SAMHD1: variants seen among roughly 807,000 people sequenced by gnomAD.
SAMHD1 encodes SAM and HD domain containing deoxynucleoside triphosphate triphosphohydrolase 1, also known as deoxynucleoside triphosphate triphosphohydrolase SAMHD1.
In SAMHD1, 54 loss-of-function variants were observed where a neutral mutation model predicts 79.6. That is an observed-to-expected ratio of 0.68 (90% confidence interval 0.55 to 0.85). The LOEUF is 0.85. SAMHD1 is among the 40% of genes least tolerant of loss of function. The pLI is 0.00. For synonymous variants in SAMHD1, 260 were observed against 264.1 expected (o/e 0.98, Z 0.15); for missense variants, 663 against 782.7 (o/e 0.85, Z 1.82).
intron 3 of SAMHD1, chr20:36,940,782 G>C (rs2063638028): frequency 1.1e-5 from 6 of 521,894 alleles, no homozygotes; most frequent in Non-Finnish European, 2.1e-5. Flanking sequence ...AAGCAAATTA[G>C]GCAAAATATT....
In SAMHD1 at chr20:36,890,416, T is replaced by C. The variant is rs1055236178; in HGVS notation, c.*2516A>G. 6.6e-6 allele frequency: 1 copy of C among 150,800 alleles called. No individual in the cohort carries two copies. Among genetic ancestry groups the C allele is most frequent in the African/African-American group, 2.4e-5 (1 of 41,060 alleles). The allele number at this position is 150,800 out of a possible 1,614,324, so 9.3% of individuals were successfully genotyped here. On this transcript the variant is annotated 3_prime_UTR_variant, in exon 16 of 16. Coordinates refer to ENST00000646673, the MANE Select transcript of SAMHD1 (RefSeq NM_015474.4). ...TCTTTCTCTTTCTTTCTTTCTTTCT[T>C]TCTTTTCTTTCTCTCTTTCCTTCCT...
intron 1 of SAMHD1, among the ~76,000 whole-genome samples, chr20:36,949,177 C>G (rs897529769): frequency 6.7e-6 from 1 of 149,232 alleles, no homozygotes; most frequent in Non-Finnish European, 1.5e-5. Context: ...GGCAGGAGAA[C>G]CACTTGAACC....
chr20:36,947,551 GGTGTGTGTGTGTGTGTGT>G (rs71186095), intron 1 of SAMHD1, among the ~76,000 whole-genome samples: 2 of 75,770 alleles, frequency 2.6e-5, no homozygotes, highest in East Asian at 3.4e-4. Flanking sequence ...TTGGAAGAGG[GGTGTGTGTGTGTGTGTGT>G]GTGTGTGTGT....
rs1016268035 is a variant in SAMHD1 at position 36,891,966 on chromosome 20, TGA to T, written c.*964_*965del. Reference sequence around the variant, plus strand: ...GCCTCTGGCCAGCTCTCCAGGATACTGAGAGAGCAGGTCAGGGGAGGCCTTCT... The same window carrying T: ...GCCTCTGGCCAGCTCTCCAGGATACTGAGAGCAGGTCAGGGGAGGCCTTCT... On this transcript the variant is annotated 3_prime_UTR_variant, in exon 16 of 16. Transcript: ENST00000646673. The T allele has an allele frequency of 2.0e-5, 3 of 152,356 alleles. No homozygotes were observed. Among genetic ancestry groups the T allele is most frequent in the Non-Finnish European group, 4.4e-5 (3 of 68,148 alleles). 9.4% of individuals were successfully genotyped at this position (152,356 alleles called of 1,614,324 possible).
intron 6 of SAMHD1, among the ~76,000 whole-genome samples, chr20:36,921,664 T>G (rs994979294): frequency 6.6e-6 from 1 of 150,832 alleles, no homozygotes; most frequent in Admixed American, 6.6e-5. Flanking sequence ...GCCTCCCAAG[T>G]AGGCACGTGC....
chr20:36,921,335 G>A (rs1287602468), intron 6 of SAMHD1, among the ~76,000 whole-genome samples: 1 of 140,766 alleles, frequency 7.1e-6, no homozygotes, highest in Non-Finnish European at 1.5e-5. Context: ...GGAGGTTGCA[G>A]TGAGCCGAGA....
intron 11 of SAMHD1, among the ~76,000 whole-genome samples, chr20:36,909,024 C>T (rs1339720620): frequency 6.6e-6 from 1 of 152,114 alleles, no homozygotes; most frequent in African/African-American, 2.4e-5. Flanking sequence ...CGCAGTGGTG[C>T]GATCTCTGCT....
chr20:36,923,504 A>G (rs1263979626), intron 6 of SAMHD1, among the ~76,000 whole-genome samples: 2 of 152,188 alleles, frequency 1.3e-5, no homozygotes, highest in Non-Finnish European at 2.9e-5. Context: ...ATCAATGCCA[A>G]CTGTGAATAT....
At chr20:36,946,508 A>G (rs930328390) in intron 2 of SAMHD1, 1 of 461,030 alleles carries the variant, frequency 2.2e-6, no homozygotes. Context: ...AATAACTTGA[A>G]GCCGGGAGGC....
At chr20:36,908,184 A>G (rs1490562027) in intron 11 of SAMHD1, among the ~76,000 whole-genome samples, 1 of 152,058 alleles carries the variant, frequency 6.6e-6, no homozygotes, top group Non-Finnish European at 1.5e-5. Flanking sequence ...CCTTACATGT[A>G]TATTTTTAAA....
intron 13 of SAMHD1, among the ~76,000 whole-genome samples, chr20:36,899,843 C>G (rs1447195446): frequency 6.6e-6 from 1 of 152,112 alleles, no homozygotes; most frequent in Non-Finnish European, 1.5e-5. Flanking sequence ...CGCCTGTAAT[C>G]CCAGCACTTT....
chr20:36,899,970 T>C (rs1990271308), intron 13 of SAMHD1, among the ~76,000 whole-genome samples: 1 of 151,788 alleles, frequency 6.6e-6, no homozygotes, highest in Non-Finnish European at 1.5e-5. Context: ...GGCAGGCGCC[T>C]GTAGTCCCGG....
At chr20:36,934,460 T>C (rs1335441250) in intron 4 of SAMHD1, among the ~76,000 whole-genome samples, 2 of 124,024 alleles carry the variant, frequency 1.6e-5, no homozygotes, top group African/African-American at 3.2e-5. Context: ...GAGGTCGAAG[T>C]TGCAGTGAGC....
chr20:36,939,872 C>G (rs752366970), intron 3 of SAMHD1, among the ~76,000 whole-genome samples: 1 of 152,060 alleles, frequency 6.6e-6, no homozygotes, highest in Non-Finnish European at 1.5e-5. Flanking sequence ...AACATTTCAT[C>G]AAGTATGGTT....
rs1480486868 is a variant in SAMHD1, at chr20:36,892,844, G to A, written c.*88C>T. ...TTCAAAATACAAAATTAAAGCATGA[G>A]TTGTCATTAATTTGCAGAATTCTAT... On this transcript the variant is annotated 3_prime_UTR_variant, in exon 16 of 16. Transcript: ENST00000646673. The A allele has an allele frequency of 1.3e-6, 2 of 1,515,260 alleles. No individual in the cohort carries two copies. The highest frequency in any genetic ancestry group is 9.2e-7 in the Non-Finnish European group (1 of 1,089,950). The allele number at this position is 1,515,260 out of a possible 1,614,324, so 93.9% of individuals were successfully genotyped here.
In SAMHD1 at chr20:36,949,251, G is replaced by A. The variant is rs562768387; in HGVS notation, c.208+2185C>T. 5.3e-5 allele frequency among the ~76,000 whole-genome samples: 8 copies of A among 151,820 alleles called. No homozygotes were observed. In the South Asian group the frequency reaches 1.7e-3, roughly 32 times the overall value. ...TGCACTTCAGCCTGCGTGACAGAGC[G>A]AGACTCCATCTCAGAAAAAAAATAA... On this transcript the variant is annotated intron_variant, in intron 1 of 15. Transcript: ENST00000646673.
intron 4 of SAMHD1, chr20:36,931,155 C>T (rs1298577753): frequency 7.0e-6 from 3 of 428,044 alleles, no homozygotes; most frequent in Non-Finnish European, 1.3e-5. Context: ...AAAAAGAAAA[C>T]CAGAAAATAA....
intron 4 of SAMHD1, among the ~76,000 whole-genome samples, chr20:36,933,656 A>G (rs2063581479): frequency 6.6e-6 from 1 of 151,830 alleles, no homozygotes; most frequent in African/African-American, 2.4e-5. Context: ...ACGCCTTGCT[A>G]ATTTTTGTAT....
Position 36,905,688 on chromosome 20 carries a change from C to T in SAMHD1, c.1271-185G>A, listed in dbSNP as rs562592456. On this transcript the variant is annotated intron_variant, in intron 11 of 15. Coordinates refer to ENST00000646673, the MANE Select transcript of SAMHD1 (RefSeq NM_015474.4). ...AAAAACCTTTTAAAACTGTTCCAGT[C>T]GGCCAGTCATAGTGGCTCATGCCTG... Among the ~76,000 whole-genome samples the T allele has an allele frequency of 5.2e-4, 79 of 152,004 alleles. 1 individual carries two copies. Among genetic ancestry groups the T allele is most frequent in the Admixed American group, 8.5e-4 (13 of 15,238 alleles).
Sources: gnomAD v4.1 joint callset for allele counts (sites outside exome capture counted in the v4.1 genomes callset) on GRCh38, gnomAD v4.1.1 for gene constraint, MANE v1.5 for transcripts, NCBI Gene and HGNC (gene_info 2026-07-23, HGNC 2026-07-21) for gene names.